The following MAP3K7CL variants were observed in gnomAD, a reference collection of about 807,000 sequenced individuals.
MAP3K7CL encodes MAP3K7 C-terminal-like protein.
A neutral mutation model predicts 18.6 loss-of-function variants in MAP3K7CL; 16 were observed. The observed-to-expected ratio is 0.86, with a 90% confidence interval of 0.58 to 1.31. The LOEUF (loss-of-function observed/expected upper bound fraction) is 1.31, where lower values mean the gene tolerates loss of function less well. Ranked by LOEUF, MAP3K7CL falls within the 50% of genes most tolerant of loss-of-function variation. MAP3K7CL has a pLI of 0.00. For missense variants in MAP3K7CL, 163 were observed against 174.4 expected (o/e 0.93, Z 0.37); for synonymous variants, 65 against 66.8 (o/e 0.97, Z 0.13).
intron 1 of MAP3K7CL, among the ~76,000 whole-genome samples, chr21:29,089,456 T>C (rs2085984843): frequency 1.3e-5 from 2 of 152,218 alleles, no homozygotes; most frequent in African/African-American, 4.8e-5. Flanking sequence ...CCTTGTGAAC[T>C]GGCCCAGAAA....
At chr21:29,135,770 C>T (rs1030851177) in intron 2 of MAP3K7CL, among the ~76,000 whole-genome samples, 1 of 152,040 alleles carries the variant, frequency 6.6e-6, no homozygotes, top group African/African-American at 2.4e-5. Flanking sequence ...TCCAGAATGC[C>T]CACTTTCAAA....
In MAP3K7CL at chr21:29,089,809, G is replaced by A. The variant is rs150904403; in HGVS notation, c.58-1692G>A. Among the ~76,000 whole-genome samples the A allele has an allele frequency of 5.2e-3, 784 of 150,574 alleles. 7 individuals carry two copies. The highest frequency in any genetic ancestry group is 0.018 in the African/African-American group (746 of 40,950). On this transcript the variant is annotated intron_variant, in intron 1 of 6. Coordinates refer to the MAP3K7CL transcript ENST00000286791. Reference sequence around the variant, plus strand: ...CAAGAAAAAAGAGGAAGGAAGGAAGGAAGAAAGGGAGGAAGGGAGGGAAGC... The same window carrying A: ...CAAGAAAAAAGAGGAAGGAAGGAAGAAAGAAAGGGAGGAAGGGAGGGAAGC...
chr21:29,096,238 T>G (rs544826254), intron 4 of MAP3K7CL, among the ~76,000 whole-genome samples: 2 of 152,314 alleles, frequency 1.3e-5, no homozygotes, highest in South Asian at 4.1e-4. Context: ...TTCGTTTACT[T>G]GTTCATTCAA....
chr21:29,077,558 G>T (rs1263170254), upstream of MAP3K7CL: 1 of 156,776 alleles, frequency 6.4e-6, no homozygotes, highest in Non-Finnish European at 1.4e-5. Context: ...GCCCAGGAAG[G>T]CGCTCCCACA....
chr21:29,147,434 ATGTATCTGTAT>A (rs1438557933), intron 2 of MAP3K7CL, among the ~76,000 whole-genome samples: 2 of 151,916 alleles, frequency 1.3e-5, no homozygotes, highest in Non-Finnish European at 2.9e-5. Context: ...TGTACTGCAT[ATGTATCTGTAT>A]TGTATCTGTA....
intron 4 of MAP3K7CL, chr21:29,109,395 T>TA (rs142135130): frequency 0.11 from 147,858 of 1,327,014 alleles, 9,157 homozygotes; most frequent in Non-Finnish European, 0.13. Flanking sequence ...GAGAGAGCTT[T>TA]AAAAAATGCT....
chr21:29,107,269 C>G (rs1316239770), intron 4 of MAP3K7CL, among the ~76,000 whole-genome samples: 1 of 152,076 alleles, frequency 6.6e-6, no homozygotes, highest in Non-Finnish European at 1.5e-5. Context: ...GAGCAGGGAT[C>G]TCGCCACTGC....
chr21:29,120,674 CTTTCTTTCTTTCTTTCTG>C (rs1009880818), intron 4 of MAP3K7CL, among the ~76,000 whole-genome samples: 17 of 42,782 alleles, frequency 4.0e-4, no homozygotes, highest in African/African-American at 8.9e-4. Flanking sequence ...CTTTCTTTTT[CTTTCTTTCTTTCTTTCTG>C]TTTCTTTCTT....
At chr21:29,137,943 A>G (rs1164535400) in intron 2 of MAP3K7CL, among the ~76,000 whole-genome samples, 1 of 152,206 alleles carries the variant, frequency 6.6e-6, no homozygotes, top group Non-Finnish European at 1.5e-5. Flanking sequence ...TGGAAGAGGC[A>G]TTTTATAATG....
At chr21:29,166,911 A>T (rs1162854529) in intron 4 of MAP3K7CL, among the ~76,000 whole-genome samples, 1 of 152,216 alleles carries the variant, frequency 6.6e-6, no homozygotes, top group Non-Finnish European at 1.5e-5. Context: ...AATTCTCTTG[A>T]GTAGGTTCCT....
intron 1 of MAP3K7CL, among the ~76,000 whole-genome samples, chr21:29,086,664 A>G (rs1004004370): frequency 6.6e-6 from 1 of 152,204 alleles, no homozygotes; most frequent in African/African-American, 2.4e-5. Context: ...AATATAGTAA[A>G]GCCTGCCCCA....
At chr21:29,133,165 G>C in intron 1 of MAP3K7CL, 141 bp from the exon 2 acceptor site, 4 of 525,248 alleles carry the variant, frequency 7.6e-6, no homozygotes, top group Non-Finnish European at 1.3e-5. Flanking sequence ...CATAGAAAAA[G>C]CTCAAAACTA....
At chr21:29,113,774 G>C (rs2086459472) in intron 4 of MAP3K7CL, among the ~76,000 whole-genome samples, 1 of 152,172 alleles carries the variant, frequency 6.6e-6, no homozygotes, top group Non-Finnish European at 1.5e-5. Flanking sequence ...TGATCTGCCT[G>C]CCTCGGCCTC....
intron 1 of MAP3K7CL, among the ~76,000 whole-genome samples, chr21:29,087,589 C>CTTTTTTTTTT (rs56775764): frequency 1.2e-4 from 13 of 104,300 alleles, no homozygotes; most frequent in Non-Finnish European, 1.7e-4. Context: ...TTTTCTTTTT[C>CTTTTTTTTTT]TTTTTTTTTT....
chr21:29,151,631 A>G (rs1357161606), intron 3 of MAP3K7CL, among the ~76,000 whole-genome samples: 1 of 152,220 alleles, frequency 6.6e-6, no homozygotes, highest in East Asian at 1.9e-4. Context: ...AGGAGTAAAC[A>G]TATTTTGAAA....
chr21:29,089,687 A>G (rs1380950547), intron 1 of MAP3K7CL, among the ~76,000 whole-genome samples: 1 of 152,218 alleles, frequency 6.6e-6, no homozygotes, highest in Non-Finnish European at 1.5e-5. Flanking sequence ...GTACTGAAAT[A>G]AACAGCATAA....
At chr21:29,149,779 T>C (rs1367347520) in intron 3 of MAP3K7CL, among the ~76,000 whole-genome samples, 1 of 152,238 alleles carries the variant, frequency 6.6e-6, no homozygotes, top group African/African-American at 2.4e-5. Flanking sequence ...TATATGTAGT[T>C]TCTGAGTGAT....
chr21:29,165,306 A>G (rs1196149174), intron 4 of MAP3K7CL, among the ~76,000 whole-genome samples: 1 of 152,170 alleles, frequency 6.6e-6, no homozygotes, highest in Non-Finnish European at 1.5e-5. Context: ...AGTCAGATTG[A>G]AGAATGTTTT....
intron 3 of MAP3K7CL, 97 bp from the exon 4 acceptor site, chr21:29,159,844 G>T: frequency 1.2e-6 from 1 of 856,012 alleles, no homozygotes; most frequent in South Asian, 1.7e-5. Flanking sequence ...AAAAGAAGAA[G>T]AAAAAACCTT....
Sources: allele counts gnomAD v4.1 joint callset (sites outside exome capture counted in the v4.1 genomes callset), GRCh38; gene constraint gnomAD v4.1.1; transcripts MANE v1.5; gene names NCBI Gene and HGNC (gene_info 2026-07-23, HGNC 2026-07-21).